Variants in DGKG observed in about 807,000 individuals in gnomAD.
DGKG encodes diacylglycerol kinase gamma, also known as DAG kinase gamma.
DGKG carries 78 observed loss-of-function variants against 105.3 expected under a neutral mutation model. The observed-to-expected ratio is 0.74, with a 90% CI of 0.62 to 0.89. DGKG has a LOEUF of 0.89. Ranked by LOEUF, DGKG falls within the 40% of genes least tolerant of loss-of-function variation. DGKG has a pLI of 0.00. For missense variants in DGKG, 958 were observed against 1,020.1 expected (o/e 0.94, Z 0.83); for synonymous variants, 346 against 367.1 (o/e 0.94, Z 0.66).
intron 2 of DGKG, among the ~76,000 whole-genome samples, chr3:186,310,279 A>AAAAAAAAC (rs1443008897): frequency 1.3e-5 from 2 of 149,034 alleles, no homozygotes; most frequent in Non-Finnish European, 1.5e-5. Context: ...AAAAAAAAAA[A>AAAAAAAAC]AAAAAAAAAA....
At chr3:186,330,313 G>A (rs1324514622) in intron 1 of DGKG, among the ~76,000 whole-genome samples, 1 of 152,170 alleles carries the variant, frequency 6.6e-6, no homozygotes, top group African/African-American at 2.4e-5. Context: ...ATAGTATTTT[G>A]TAAGTTACAT....
chr3:186,181,855 AAC>A (rs1717372458), intron 22 of DGKG, among the ~76,000 whole-genome samples: 1 of 152,258 alleles, frequency 6.6e-6, no homozygotes, highest in Non-Finnish European at 1.5e-5. Context: ...AGGTGTGGAT[AAC>A]ACAGGCTCGA....
intron 13 of DGKG, 144 bp from the exon 14 acceptor site, chr3:186,265,450 C>T: frequency 1.4e-6 from 1 of 708,236 alleles, no homozygotes; most frequent in Non-Finnish European, 2.4e-6. Context: ...CAACATAGGG[C>T]TTCTGACCTA....
At chr3:186,168,888 C>T (rs940313957) in intron 22 of DGKG, among the ~76,000 whole-genome samples, 6 of 152,060 alleles carry the variant, frequency 3.9e-5, no homozygotes, top group Non-Finnish European at 7.4e-5. Flanking sequence ...TGCTGGGGAA[C>T]GGAATATGCA....
chr3:186,289,678 A>G (rs1005474133), intron 5 of DGKG, among the ~76,000 whole-genome samples: 1 of 152,134 alleles, frequency 6.6e-6, no homozygotes, highest in Non-Finnish European at 1.5e-5. Context: ...AATATCTACT[A>G]GGAGTGTACA....
At chr3:186,255,647 G>A (rs981410445) in intron 17 of DGKG, among the ~76,000 whole-genome samples, 6 of 152,194 alleles carry the variant, frequency 3.9e-5, no homozygotes, top group Admixed American at 6.5e-5. Context: ...GGAAGGGTGC[G>A]CAGCAGCTGG....
intron 5 of DGKG, among the ~76,000 whole-genome samples, chr3:186,291,013 C>T (rs144128955): frequency 2.0e-5 from 3 of 152,280 alleles, no homozygotes; most frequent in Non-Finnish European, 4.4e-5. Flanking sequence ...CATTTTTTCT[C>T]AGTAGTGAGT....
chr3:186,284,495 G>C lies in DGKG; in HGVS notation c.594+165C>G, dbSNP rs1722970460. Among the ~76,000 whole-genome samples the C allele has an allele frequency of 6.6e-6, 1 of 152,166 alleles. No individual in the cohort carries two copies. Among genetic ancestry groups the C allele is most frequent in the African/African-American group, 2.4e-5 (1 of 41,440 alleles). ...TCACGCTCTGCAAGGCCGGCCCTTT[G>C]GAAATAGCGGGTGGAGAGGTCCTAG... On this transcript the variant is annotated intron_variant, in intron 7 of 24. Coordinates refer to ENST00000265022, the MANE Select transcript of DGKG (RefSeq NM_001346.3). The surrounding 1 kb of genome is among the most constrained non-coding windows in gnomAD (Gnocchi z 4.0).
At position 186,249,061 on chromosome 3, in the gene DGKG, G is replaced by A. The variant is rs190876850; in HGVS notation, c.1761+2698C>T. Among the ~76,000 whole-genome samples the A allele has an allele frequency of 1.1e-4, 16 of 152,340 alleles. No homozygotes were observed. The East Asian group carries it at 3.1e-3, about 29-fold the overall frequency. On this transcript the variant is annotated intron_variant, in intron 19 of 24. Coordinates refer to ENST00000265022, the MANE Select transcript of DGKG (RefSeq NM_001346.3). ...GTCTAATTTGCAGGAGCTGAAGGCT[G>A]CACATGTTCCTGCTGGGGGAAGCGG...
At chr3:186,309,092 G>C (rs1479985316) in intron 2 of DGKG, among the ~76,000 whole-genome samples, 1 of 152,148 alleles carries the variant, frequency 6.6e-6, no homozygotes, top group Admixed American at 6.5e-5. Flanking sequence ...GTGTAATTAA[G>C]GGTGACACAA....
chr3:186,357,749 G>A (rs1342665712), intron 1 of DGKG, among the ~76,000 whole-genome samples: 1 of 152,196 alleles, frequency 6.6e-6, no homozygotes, highest in African/African-American at 2.4e-5. Context: ...TGCTAGTGCA[G>A]AGGATACAGT....
At chr3:186,183,184 A>T (rs1717440953) in intron 22 of DGKG, among the ~76,000 whole-genome samples, 1 of 152,066 alleles carries the variant, frequency 6.6e-6, no homozygotes, top group Non-Finnish European at 1.5e-5. Flanking sequence ...TTTTCTAAAC[A>T]CTAGCCACTT....
intron 24 of DGKG, 134 bp from the exon 25 acceptor site, chr3:186,150,322 C>T (rs528213741): frequency 9.6e-5 from 118 of 1,226,906 alleles, no homozygotes; most frequent in Admixed American, 8.6e-4. Flanking sequence ...TGTCCTTGAA[C>T]GGCTTCAAAA....
At position 186,346,725 on chromosome 3, in the gene DGKG, T is replaced by C. The variant is rs182738417; in HGVS notation, c.-249+15221A>G. 2.4e-3 allele frequency among the ~76,000 whole-genome samples: 371 copies of C among 151,680 alleles called. 3 individuals are homozygous for C. Among genetic ancestry groups the C allele is most frequent in the Non-Finnish European group, 2.2e-3 (152 of 68,028 alleles). ...TACTGCCAGAACAAGTTCTACATTT[T>C]TTGAAATGTATCATAATTTTTTTAC... On this transcript the variant is annotated intron_variant, in intron 1 of 24. Coordinates refer to ENST00000265022, the MANE Select transcript of DGKG (RefSeq NM_001346.3).
chr3:186,204,144 G>C (rs1718608954), intron 21 of DGKG, among the ~76,000 whole-genome samples: 1 of 152,120 alleles, frequency 6.6e-6, no homozygotes, highest in Non-Finnish European at 1.5e-5. Flanking sequence ...TGTGGTGGCT[G>C]ATGCCTGTAA....
At chr3:186,249,777 G>A (rs1481265488) in intron 19 of DGKG, among the ~76,000 whole-genome samples, 1 of 152,188 alleles carries the variant, frequency 6.6e-6, no homozygotes, top group Non-Finnish European at 1.5e-5. Context: ...AGGTTTCAGT[G>A]AGCTGAGATA....
chr3:186,180,274 G>C (rs1717295391), intron 22 of DGKG, among the ~76,000 whole-genome samples: 1 of 152,138 alleles, frequency 6.6e-6, no homozygotes, highest in Non-Finnish European at 1.5e-5. Context: ...ATAATGACTA[G>C]TTTGGGGCAT....
At chr3:186,338,169 C>CAAAAAAAAAAAAAA (rs34436386) in intron 1 of DGKG, among the ~76,000 whole-genome samples, 1 of 75,842 alleles carries the variant, frequency 1.3e-5, no homozygotes, top group African/African-American at 4.5e-5. Context: ...GACCCTATCT[C>CAAAAAAAAAAAAAA]AAAAAAAAAA....
At chr3:186,340,118 T>C (rs915201293) in intron 1 of DGKG, among the ~76,000 whole-genome samples, 11 of 151,942 alleles carry the variant, frequency 7.2e-5, no homozygotes, top group African/African-American at 2.7e-4. Flanking sequence ...AATGGAGAAG[T>C]GGTTTAAAAT....
Sources: gnomAD v4.1 joint callset for allele counts (sites outside exome capture counted in the v4.1 genomes callset) on GRCh38, gnomAD v4.1.1 for gene constraint, Gnocchi (gnomAD v3.1) non-coding constraint, MANE v1.5 for transcripts, NCBI Gene and HGNC (gene_info 2026-07-23, HGNC 2026-07-21) for gene names.